PUM1: variants seen among roughly 807,000 people sequenced by gnomAD.
The protein encoded by PUM1 is pumilio RNA binding family member 1.
A neutral mutation model predicts 131.8 loss-of-function variants in PUM1; 13 were observed. The ratio of observed to expected loss-of-function variants is 0.10; its 90% CI spans 0.06 to 0.16. The LOEUF is 0.16. Ranked by LOEUF, PUM1 falls within the 10% of genes least tolerant of loss-of-function variation. PUM1 has a pLI of 1.00. For synonymous variants in PUM1, 509 were observed against 556.5 expected, an observed-to-expected ratio of 0.91 and a Z score of 1.20; for missense variants, 961 against 1,512.4, an observed-to-expected ratio of 0.64 and a Z score of 6.05.
intron 13 of PUM1, 150 bp downstream of exon 13, chr1:30,965,832 A>T: frequency 2.7e-6 from 2 of 743,868 alleles, no homozygotes; most frequent in Non-Finnish European, 4.2e-6. Flanking sequence ...TGATTTCAAT[A>T]GTCTATCATC....
chr1:30,952,378 A>G lies in PUM1; in HGVS notation c.2592-15T>C. 4.3e-6 allele frequency: 7 copies of G among 1,613,644 alleles called. No individual in the cohort carries two copies. The highest frequency in any genetic ancestry group is 5.9e-6 in the Non-Finnish European group (7 of 1,179,662). On this transcript the variant is annotated splice_polypyrimidine_tract_variant and intron_variant, in intron 15 of 21. Transcript: ENST00000426105. ...GCTGAATGAATCTGAAGTACAAAGT[A>G]AAAAGGGCAATCACAGCACTGAAGG...
chr1:30,932,961 T>A lies in PUM1; in HGVS notation c.*250A>T. Reference sequence around the variant, plus strand: ...TACATTGGTTACCTATGTACAAGTATCCTATACACCAGTAAAACAGCAGGG... The same window carrying A: ...TACATTGGTTACCTATGTACAAGTAACCTATACACCAGTAAAACAGCAGGG... On this transcript the variant is annotated 3_prime_UTR_variant, in exon 22 of 22. Coordinates refer to ENST00000426105, the MANE Select transcript of PUM1 (RefSeq NM_001020658.2). 2.7e-6 allele frequency: 1 copy of A among 366,942 alleles called. No homozygotes were observed. The highest frequency in any genetic ancestry group is 4.9e-6 in the Non-Finnish European group (1 of 204,270). 22.7% of individuals were successfully genotyped at this position (366,942 alleles called of 1,614,324 possible). A position where few individuals can be genotyped will look rare whatever the true frequency, so the allele number is the denominator to read the frequency against.
Position 30,967,268 on chromosome 1 carries a change from C to G in PUM1, c.1688G>C (p.Gly563Ala). 1.2e-6 allele frequency: 2 copies of G among 1,613,966 alleles called. No homozygotes were observed. Among genetic ancestry groups the G allele is most frequent in the Non-Finnish European group, 1.7e-6 (2 of 1,179,898 alleles). The change falls in exon 12 of 22, where the codon GGT becomes GCT. Residue 563 changes from glycine to alanine, a missense_variant. Physicochemically the swap from Gly to Ala is moderately conservative, Grantham distance 60 (BLOSUM62 0). Around this residue, in one of 4 missense-constraint regions of PUM1, gnomAD observed 654 missense variants for 923.9 expected, o/e 0.71. Transcript: ENST00000426105. ...LAPAAYYDQT[G>A]ALVVNAGARN... is the part of the protein sequence containing the mutation. ...CGCGCCTGCATTCACTACAAGGGCA[C>G]CAGTTTGGTCATAGTAAGCAGCAGG...
At chr1:30,987,528 A>T (rs1041529727) in intron 7 of PUM1, among the ~76,000 whole-genome samples, 2 of 152,176 alleles carry the variant, frequency 1.3e-5, no homozygotes, top group Non-Finnish European at 2.9e-5. Context: ...ACTGCATTTA[A>T]GGAAACAGGC....
intron 2 of PUM1, among the ~76,000 whole-genome samples, chr1:31,041,852 G>A (rs1643826571): frequency 6.6e-6 from 1 of 151,758 alleles, no homozygotes; most frequent in South Asian, 2.1e-4. Flanking sequence ...AACACAAAAT[G>A]GACTAACATA....
At chr1:31,022,504 T>C (rs1643065512) in intron 3 of PUM1, among the ~76,000 whole-genome samples, 1 of 152,196 alleles carries the variant, frequency 6.6e-6, no homozygotes, top group Non-Finnish European at 1.5e-5. Flanking sequence ...GAAGAATGGG[T>C]GGGGTTTGCA....
intron 9 of PUM1, among the ~76,000 whole-genome samples, chr1:30,975,154 G>A (rs551722823): frequency 8.5e-5 from 13 of 152,222 alleles, no homozygotes; most frequent in South Asian, 4.1e-4. Flanking sequence ...GAGGGTTTGC[G>A]TGCTTAAAGT....
At chr1:31,007,191 AAGATGCTC>A (rs1403440572) in intron 3 of PUM1, 89 bp from the exon 4 acceptor site, 1 of 952,550 alleles carries the variant, frequency 1.0e-6, no homozygotes, top group African/African-American at 1.6e-5. Flanking sequence ...AAGGGTACTG[AAGATGCTC>A]ACGTGCCCTG....
In PUM1 at chr1:30,931,852, G is replaced by T. The variant is rs954445487; in HGVS notation, c.*1359C>A. 1 of 152,560 alleles carries T rather than the reference G, an allele frequency of 6.6e-6. No homozygotes were observed. Among genetic ancestry groups the T allele is most frequent in the Non-Finnish European group, 1.5e-5 (1 of 68,036 alleles). The allele number at this position is 152,560 out of a possible 1,614,324, so 9.5% of individuals were successfully genotyped here. A position where few individuals can be genotyped will look rare whatever the true frequency, so the allele number is the denominator to read the frequency against. Reference sequence around the variant, plus strand: ...GAGAGGGGCTCTGATTGTAAGGAAAGCTCGGGCAAGGCTAGACTTTTGCAC... The same window carrying T: ...GAGAGGGGCTCTGATTGTAAGGAAATCTCGGGCAAGGCTAGACTTTTGCAC... On this transcript the variant is annotated 3_prime_UTR_variant, in exon 22 of 22. Transcript: ENST00000426105.
At chr1:31,009,782 A>AAAAAACAAAAAC (rs1553150216) in intron 3 of PUM1, among the ~76,000 whole-genome samples, 16,150 of 123,968 alleles carry the variant, frequency 0.13, 1,827 homozygotes, top group East Asian at 0.45. Context: ...AAAAAAAAAA[A>AAAAAACAAAAAC]AAAAACAAAA....
At chr1:31,062,782 G>C (rs1481878045) in intron 1 of PUM1, among the ~76,000 whole-genome samples, 1 of 152,118 alleles carries the variant, frequency 6.6e-6, no homozygotes, top group Non-Finnish European at 1.5e-5. Flanking sequence ...AAAAACACAT[G>C]AATAACAAAT....
At chr1:30,997,492 C>T (rs1158956007) in intron 5 of PUM1, among the ~76,000 whole-genome samples, 2 of 134,100 alleles carry the variant, frequency 1.5e-5, no homozygotes, top group Non-Finnish European at 3.1e-5. Context: ...GAGTGAAACT[C>T]GTCTTTTTTT....
chr1:31,042,472 C>G (rs1369064641), intron 2 of PUM1, among the ~76,000 whole-genome samples: 1 of 152,028 alleles, frequency 6.6e-6, no homozygotes, highest in African/African-American at 2.4e-5. Flanking sequence ...AGCACTTCAT[C>G]AGGGGAAAAA....
At chr1:30,991,628 C>A (rs1375615841) in intron 7 of PUM1, among the ~76,000 whole-genome samples, 1 of 152,176 alleles carries the variant, frequency 6.6e-6, no homozygotes, top group Non-Finnish European at 1.5e-5. Context: ...CATGGTCAAT[C>A]AAACTGCTTC....
intron 17 of PUM1, chr1:30,949,036 T>C (rs1204286718): frequency 2.2e-6 from 1 of 459,856 alleles, no homozygotes; most frequent in African/African-American, 2.0e-5. Flanking sequence ...TTTGGACTTC[T>C]TCAGCCTTCA....
chr1:31,020,122 T>C (rs1642968586), intron 3 of PUM1, among the ~76,000 whole-genome samples: 1 of 152,204 alleles, frequency 6.6e-6, no homozygotes, highest in Non-Finnish European at 1.5e-5. Context: ...TGTCTATGTG[T>C]ACCCAATGTT....
chr1:31,040,770 ATTTAT>A (rs906186706), intron 2 of PUM1, among the ~76,000 whole-genome samples: 1 of 151,962 alleles, frequency 6.6e-6, no homozygotes, highest in African/African-American at 2.4e-5. Context: ...TAAAATAAAA[ATTTAT>A]TTTATCTTTA....
At chr1:31,046,149 G>A (rs534266223) in intron 2 of PUM1, among the ~76,000 whole-genome samples, 1 of 152,024 alleles carries the variant, frequency 6.6e-6, no homozygotes, top group East Asian at 2.0e-4. Context: ...CACTTTGGGA[G>A]GCCAAGGTGG....
intron 5 of PUM1, among the ~76,000 whole-genome samples, chr1:31,002,521 G>C (rs1035562482): frequency 6.6e-6 from 1 of 152,076 alleles, no homozygotes; most frequent in African/African-American, 2.4e-5. Flanking sequence ...AGATCAGCTG[G>C]TATTCCAGAG....
Sources: allele counts gnomAD v4.1 joint callset (sites outside exome capture counted in the v4.1 genomes callset), GRCh38; gene constraint gnomAD v4.1.1; regional missense constraint gnomAD v4.1.1; transcripts MANE v1.5; gene names NCBI Gene and HGNC (gene_info 2026-07-23, HGNC 2026-07-21).